SCN9A: variants seen among roughly 807,000 people sequenced by gnomAD.
SCN9A encodes sodium voltage-gated channel alpha subunit 9, also known as sodium channel protein type 9 subunit alpha.
SCN9A carries 131 observed loss-of-function variants against 187.0 expected under a neutral mutation model. That is an observed-to-expected ratio of 0.70 (90% CI 0.61 to 0.81). The LOEUF (loss-of-function observed/expected upper bound fraction) is 0.81. Among genes scored for constraint, SCN9A ranks in the 30% least tolerant of loss-of-function variants. The pLI is 0.00. For missense variants in SCN9A, 2,252 were observed against 2,396.6 expected (o/e 0.94, Z 1.26); for synonymous variants, 809 against 808.6 (o/e 1.00, Z -0.01).
intron 1 of SCN9A, among the ~76,000 whole-genome samples, chr2:166,370,083 A>G (rs945830128): frequency 1.5e-4 from 23 of 151,836 alleles, no homozygotes; most frequent in Non-Finnish European, 2.9e-4. Flanking sequence ...TAGACTCTCA[A>G]GAAGATGACA....
rs1312823357 is a variant in SCN9A at position 166,293,272 on chromosome 2, T to G, written c.1066A>C (p.Arg356=). 1.9e-6 allele frequency: 3 copies of G among 1,594,424 alleles called. No homozygotes were observed. The highest frequency in any genetic ancestry group is 2.6e-6 in the Non-Finnish European group (3 of 1,169,254). The change falls in exon 9 of 27, where the codon AGG becomes CGG. Residue 356 remains arginine (R), a synonymous_variant. Transcript: ENST00000642356. ...TFSWAFLALF[R]LMTQDYWENL... Reference sequence around the variant, plus strand: ...TCCCAGTAATCTTGGGTCATTAGCCTAAACAAGGCTAAGAAGGCCCAGCTG... The same window carrying G: ...TCCCAGTAATCTTGGGTCATTAGCCGAAACAAGGCTAAGAAGGCCCAGCTG...
chr2:166,309,102 A>C (rs947850062), intron 2 of SCN9A, among the ~76,000 whole-genome samples: 3 of 152,014 alleles, frequency 2.0e-5, no homozygotes, highest in African/African-American at 4.8e-5. Flanking sequence ...TATCATACAG[A>C]AAAATATAAA....
intron 1 of SCN9A, among the ~76,000 whole-genome samples, chr2:166,351,764 A>G (rs2105299413): frequency 6.6e-6 from 1 of 152,314 alleles, no homozygotes; most frequent in South Asian, 2.1e-4. Flanking sequence ...TTACTATAGA[A>G]CAGATTTTTT....
intron 26 of SCN9A, 131 bp downstream of exon 26, chr2:166,203,824 T>G: frequency 1.6e-6 from 1 of 632,390 alleles, no homozygotes; most frequent in Non-Finnish European, 2.7e-6. Flanking sequence ...TTTTAGGATT[T>G]TTTCATTCTT....
intron 1 of SCN9A, among the ~76,000 whole-genome samples, chr2:166,360,945 T>C (rs1700269413): frequency 6.6e-6 from 1 of 152,206 alleles, no homozygotes. Context: ...AATATAGATC[T>C]GCAGTAAAAT....
At position 166,303,319 on chromosome 2, in the gene SCN9A, A is replaced by G; in HGVS notation, c.689-17T>C. ...TCTTCAGGCCTGAAAATGGGAGAAA[A>G]AAGTGTTTGTAATGACATAAAGCCT... On this transcript the variant is annotated splice_polypyrimidine_tract_variant and intron_variant, in intron 6 of 26. Transcript: ENST00000642356. The G allele has an allele frequency of 6.2e-7, 1 of 1,602,918 alleles. No homozygotes were observed. Among genetic ancestry groups the G allele is most frequent in the Non-Finnish European group, 8.5e-7 (1 of 1,173,378 alleles).
intron 1 of SCN9A, among the ~76,000 whole-genome samples, chr2:166,371,319 T>C (rs1483429065): frequency 6.6e-6 from 1 of 152,260 alleles, no homozygotes; most frequent in Non-Finnish European, 1.5e-5. Context: ...TGGCAGATTA[T>C]GCTTACTGGC....
intron 19 of SCN9A, among the ~76,000 whole-genome samples, chr2:166,240,857 G>A (rs1264212242): frequency 6.6e-6 from 1 of 152,128 alleles, no homozygotes; most frequent in Non-Finnish European, 1.5e-5. Context: ...CTGGGACAAA[G>A]AGCAGGGTTG....
chr2:166,206,449 G>A (rs1358750753), intron 24 of SCN9A, among the ~76,000 whole-genome samples: 1 of 152,150 alleles, frequency 6.6e-6, no homozygotes, highest in Non-Finnish European at 1.5e-5. Context: ...TCACTCATAA[G>A]TGGGAGTTGA....
intron 1 of SCN9A, among the ~76,000 whole-genome samples, chr2:166,353,009 G>GTTT (rs10638743): frequency 0.33 from 48,092 of 147,858 alleles, 9,242 homozygotes; most frequent in Non-Finnish European, 0.43. Context: ...CATTGTATCT[G>GTTT]TTTTTTTTTT....
intron 1 of SCN9A, among the ~76,000 whole-genome samples, chr2:166,370,211 A>ATCATC (rs1553507670): frequency 7.8e-4 from 72 of 92,228 alleles, no homozygotes; most frequent in African/African-American, 2.0e-3. Context: ...TAATAATAAT[A>ATCATC]ATAATAATAA....
intron 17 of SCN9A, among the ~76,000 whole-genome samples, chr2:166,264,522 C>T (rs1696650538): frequency 6.6e-6 from 1 of 151,956 alleles, no homozygotes. Flanking sequence ...TTCCTCAGAA[C>T]TGTTTAAGAT....
intron 1 of SCN9A, among the ~76,000 whole-genome samples, chr2:166,364,327 G>T (rs547742253): frequency 1.3e-5 from 2 of 152,038 alleles, no homozygotes; most frequent in Non-Finnish European, 2.9e-5. Context: ...CTACTTTAGG[G>T]TATACATCCT....
At chr2:166,327,809 A>C (rs1422285435) in intron 1 of SCN9A, among the ~76,000 whole-genome samples, 1 of 152,174 alleles carries the variant, frequency 6.6e-6, no homozygotes, top group Non-Finnish European at 1.5e-5. Flanking sequence ...TGTCCAGGCC[A>C]TTTCACTAAA....
Position 166,199,330 on chromosome 2 carries a change from C to T in SCN9A, c.5309G>A (p.Ser1770Asn), listed in dbSNP as rs1421686534. The change falls in exon 27 of 27, where the codon AGT becomes AAT. Residue 1770 changes from serine (S) to asparagine (N), a missense_variant. This residue lies in a region of SCN9A where 345 missense variants were observed against 344.6 expected (regional missense o/e 1.00). Coordinates refer to ENST00000642356, the MANE Select transcript of SCN9A (RefSeq NM_001365536.1). ...LENFSVATEE[S>N]TEPLSEDDFE... ...GTCATCCTCACTCAGAGGTTCAGTA[C>T]TTTCTTCAGTGGCAACACTAAAATT... 6.2e-7 allele frequency: 1 copy of T among 1,614,070 alleles called. No homozygotes were observed. The highest frequency in any genetic ancestry group is 8.5e-7 in the Non-Finnish European group (1 of 1,180,042).
chr2:166,342,075 G>A (rs1284325693), intron 1 of SCN9A, among the ~76,000 whole-genome samples: 7 of 152,116 alleles, frequency 4.6e-5, no homozygotes. Context: ...TGTATACTAT[G>A]TTGTTCCCAA....
chr2:166,259,507 G>C (rs1456858867), intron 17 of SCN9A, among the ~76,000 whole-genome samples: 1 of 151,672 alleles, frequency 6.6e-6, no homozygotes, highest in African/African-American at 2.4e-5. Flanking sequence ...CAATTAAACA[G>C]TTACATAATT....
At chr2:166,301,712 T>C (rs537510267) in intron 7 of SCN9A, 1 of 150,934 alleles carries the variant, frequency 6.6e-6, no homozygotes, top group Admixed American at 6.6e-5. Flanking sequence ...CAATATTAAA[T>C]GTAAGTTACT....
chr2:166,227,784 C>A (rs1427746437), intron 22 of SCN9A, 61 bp from the exon 23 acceptor site: 10 of 867,426 alleles, frequency 1.2e-5, no homozygotes, highest in Non-Finnish European at 1.9e-5. Flanking sequence ...TAGCCATAAA[C>A]AGAGTTTTGT....
Sources: allele counts gnomAD v4.1 joint callset (sites outside exome capture counted in the v4.1 genomes callset), GRCh38; gene constraint gnomAD v4.1.1; regional missense constraint gnomAD v4.1.1; transcripts MANE v1.5; gene names NCBI Gene and HGNC (gene_info 2026-07-23, HGNC 2026-07-21).